Variants in RAMP1 observed in about 807,000 individuals in gnomAD.
RAMP1 encodes the protein receptor activity-modifying protein 1.
RAMP1 carries 7 observed loss-of-function variants against 8.2 expected under a neutral mutation model. The ratio of observed to expected loss-of-function variants is 0.85; its 90% CI spans 0.49 to 1.60. The LOEUF (loss-of-function observed/expected upper bound fraction) is 1.60, where lower values mean the gene tolerates loss of function less well. Ranked by LOEUF, RAMP1 falls within the 40% of genes most tolerant of loss-of-function variation. RAMP1 has a pLI of 0.00. For missense variants in RAMP1, 192 were observed against 202.4 expected, an observed-to-expected ratio of 0.95 and a Z score of 0.31; for synonymous variants, 92 against 84.7, an observed-to-expected ratio of 1.09 and a Z score of -0.47.
intron 2 of RAMP1, among the ~76,000 whole-genome samples, chr2:237,906,119 G>A (rs185302623): frequency 6.6e-6 from 1 of 151,864 alleles, no homozygotes; most frequent in Non-Finnish European, 1.5e-5. Context: ...ACCATGGACC[G>A]GCCACATAAC....
chr2:237,860,236 A>T (rs563246119), intron 1 of RAMP1, among the ~76,000 whole-genome samples: 29 of 152,380 alleles, frequency 1.9e-4, no homozygotes, highest in African/African-American at 6.5e-4. Context: ...CAACACTGAC[A>T]ATCTGTCGCC....
At chr2:237,883,364 G>A (rs563780179) in intron 2 of RAMP1, among the ~76,000 whole-genome samples, 127 of 152,302 alleles carry the variant, frequency 8.3e-4, no homozygotes, top group Admixed American at 2.7e-3. Context: ...GCCTTTTATG[G>A]GATACACACA....
intron 2 of RAMP1, among the ~76,000 whole-genome samples, chr2:237,893,081 C>T (rs1051750643): frequency 2.6e-5 from 4 of 152,172 alleles, no homozygotes; most frequent in Admixed American, 1.3e-4. Flanking sequence ...TTAATACATT[C>T]TCAGAATTCA....
intron 2 of RAMP1, among the ~76,000 whole-genome samples, chr2:237,909,600 G>A (rs547451079): frequency 1.3e-5 from 2 of 152,258 alleles, no homozygotes; most frequent in Admixed American, 1.3e-4. Flanking sequence ...GAGCCGGCGT[G>A]GTCTGGGCTC....
chr2:237,883,554 G>T (rs1309961179), intron 2 of RAMP1, among the ~76,000 whole-genome samples: 1 of 152,132 alleles, frequency 6.6e-6, no homozygotes, highest in Admixed American at 6.5e-5. Context: ...AGTGGCTTTC[G>T]CCTGTAATCC....
intron 2 of RAMP1, among the ~76,000 whole-genome samples, chr2:237,894,830 G>A (rs1343836972): frequency 3.3e-5 from 5 of 152,160 alleles, no homozygotes; most frequent in African/African-American, 7.2e-5. Flanking sequence ...GTTCAAAGAC[G>A]GAACAAAGGG....
intron 1 of RAMP1, among the ~76,000 whole-genome samples, chr2:237,869,637 A>T (rs1384707069): frequency 6.6e-6 from 1 of 152,374 alleles, no homozygotes; most frequent in Middle Eastern, 3.4e-3. Context: ...TGTTATGGAT[A>T]GACCACACTG....
At chr2:237,905,296 G>A (rs2062640903) in intron 2 of RAMP1, among the ~76,000 whole-genome samples, 1 of 152,222 alleles carries the variant, frequency 6.6e-6, no homozygotes, top group Admixed American at 6.5e-5. Flanking sequence ...CACTGACGGA[G>A]CTCACAACAT....
At position 237,890,205 on chromosome 2, in the gene RAMP1, T is replaced by A. The variant is rs2151015520; in HGVS notation, c.191+12843T>A. ...CATTAGAATCAAGGGTGGGAAATAA[T>A]TTTTTTTTTTTTTTGAGACAGAGTC... On this transcript the variant is annotated intron_variant, in intron 2 of 2. Coordinates refer to ENST00000254661, the MANE Select transcript of RAMP1 (RefSeq NM_005855.4). Among the ~76,000 whole-genome samples the A allele has an allele frequency of 2.1e-5, 3 of 144,444 alleles. No homozygotes were observed. In the East Asian group the frequency reaches 6.0e-4, roughly 29 times the overall value. 94.8% of individuals were successfully genotyped at this position (144,444 alleles called of 152,430 possible).
At chr2:237,897,385 C>T (rs956825951) in intron 2 of RAMP1, among the ~76,000 whole-genome samples, 1 of 152,244 alleles carries the variant, frequency 6.6e-6, no homozygotes, top group Non-Finnish European at 1.5e-5. Flanking sequence ...GCTTCATCAG[C>T]ATGCTCTACA....
chr2:237,868,169 A>C (rs2062208728), intron 1 of RAMP1, among the ~76,000 whole-genome samples: 1 of 151,568 alleles, frequency 6.6e-6, no homozygotes, highest in Non-Finnish European at 1.5e-5. Flanking sequence ...TCAGTCTCTC[A>C]GGTAGCTGGG....
At chr2:237,888,347 G>A (rs763453723) in intron 2 of RAMP1, among the ~76,000 whole-genome samples, 2 of 151,928 alleles carry the variant, frequency 1.3e-5, no homozygotes, top group African/African-American at 2.4e-5. Context: ...CACCACGCCC[G>A]GCCCATTCTG....
intron 2 of RAMP1, among the ~76,000 whole-genome samples, chr2:237,888,272 C>A (rs2062455565): frequency 6.6e-6 from 1 of 152,136 alleles, no homozygotes; most frequent in Non-Finnish European, 1.5e-5. Context: ...CCAGGCTGGT[C>A]TCAAACTCCT....
At chr2:237,900,207 T>G (rs1310994979) in intron 2 of RAMP1, among the ~76,000 whole-genome samples, 10 of 152,228 alleles carry the variant, frequency 6.6e-5, no homozygotes, top group Non-Finnish European at 1.3e-4. Flanking sequence ...TCGCCCAGGC[T>G]GGAGTGCAGT....
chr2:237,907,559 C>T (rs1080519), intron 2 of RAMP1, among the ~76,000 whole-genome samples: 34,392 of 149,250 alleles, frequency 0.23, 3,938 homozygotes, highest in South Asian at 0.34. Context: ...CTGACATCTT[C>T]AATTTCTCTC....
At chr2:237,874,716 C>G in intron 1 of RAMP1, 1 of 981,868 alleles carries the variant, frequency 1.0e-6, no homozygotes. Context: ...GTATGGCCAT[C>G]TTATTTGCTG....
intron 2 of RAMP1, among the ~76,000 whole-genome samples, chr2:237,907,518 T>TC (rs2151023781): frequency 6.6e-6 from 1 of 151,550 alleles, no homozygotes; most frequent in Non-Finnish European, 1.5e-5. Context: ...CACTTTTTTT[T>TC]CTCTTTGTGT....
chr2:237,876,076 C>A (rs189942196), intron 1 of RAMP1, among the ~76,000 whole-genome samples: 4 of 152,292 alleles, frequency 2.6e-5, no homozygotes, highest in African/African-American at 9.6e-5. Context: ...CACTTTGAGG[C>A]GGCTGTGTGT....
chr2:237,859,583 C>A, upstream of RAMP1: 1 of 958,544 alleles, frequency 1.0e-6, no homozygotes, highest in South Asian at 4.9e-5. Flanking sequence ...CCGCTCCCGC[C>A]CCCGGCGCGT....
Sources: gnomAD v4.1 joint callset for allele counts (sites outside exome capture counted in the v4.1 genomes callset) on GRCh38, gnomAD v4.1.1 for gene constraint, MANE v1.5 for transcripts, NCBI Gene and HGNC (gene_info 2026-07-23, HGNC 2026-07-21) for gene names.